Variants in DOK6 observed in about 807,000 individuals in gnomAD.
DOK6 encodes downstream of tyrosine kinase 6.
In DOK6, 22 loss-of-function variants were observed where a neutral mutation model predicts 44.0. That is an observed-to-expected ratio of 0.50 (90% CI 0.36 to 0.71). The LOEUF (loss-of-function observed/expected upper bound fraction) is 0.71. Ranked by LOEUF, DOK6 falls within the 30% of genes least tolerant of loss-of-function variation. DOK6 has a pLI of 0.00. For synonymous variants in DOK6, 166 were observed against 145.5 expected (o/e 1.14, Z -1.01); for missense variants, 340 against 416.4 (o/e 0.82, Z 1.60).
intron 1 of DOK6, among the ~76,000 whole-genome samples, chr18:69,545,731 A>G (rs967590940): frequency 6.6e-6 from 1 of 151,330 alleles, no homozygotes; most frequent in Non-Finnish European, 1.5e-5. Flanking sequence ...TGAGATATAC[A>G]TATTGCTCTT....
At chr18:69,652,988 G>T (rs889869425) in intron 3 of DOK6, among the ~76,000 whole-genome samples, 1 of 152,160 alleles carries the variant, frequency 6.6e-6, no homozygotes, top group Non-Finnish European at 1.5e-5. Flanking sequence ...AAAGATTCAC[G>T]ATGGAATTCT....
At chr18:69,726,071 G>A (rs1427019344) in intron 5 of DOK6, among the ~76,000 whole-genome samples, 1 of 152,106 alleles carries the variant, frequency 6.6e-6, no homozygotes, top group South Asian at 2.1e-4. Context: ...AAATGCAGTC[G>A]GTACACCCAG....
intron 1 of DOK6, among the ~76,000 whole-genome samples, chr18:69,511,540 A>T (rs147295813): frequency 1.1e-3 from 170 of 152,362 alleles, no homozygotes; most frequent in African/African-American, 3.8e-3. Context: ...CCTGTTTTAC[A>T]CATAAGCACT....
At chr18:69,668,800 C>T (rs1048858154) in intron 3 of DOK6, among the ~76,000 whole-genome samples, 5 of 152,098 alleles carry the variant, frequency 3.3e-5, no homozygotes, top group Non-Finnish European at 7.3e-5. Context: ...ATATCTCAAT[C>T]TTTACAAAAT....
chr18:69,685,522 C>A (rs1156933866), intron 4 of DOK6, among the ~76,000 whole-genome samples: 1 of 152,136 alleles, frequency 6.6e-6, no homozygotes, highest in Non-Finnish European at 1.5e-5. Flanking sequence ...CTGGGATGTG[C>A]GTGAACATCT....
chr18:69,522,148 A>G (rs1946983), intron 1 of DOK6, among the ~76,000 whole-genome samples: 122,077 of 151,588 alleles, frequency 0.81, 50,307 homozygotes, highest in South Asian at 0.92. Context: ...GGATAATTTT[A>G]CACAGTGTCT....
intron 4 of DOK6, among the ~76,000 whole-genome samples, chr18:69,683,156 C>G (rs1164005597): frequency 6.6e-6 from 1 of 151,490 alleles, no homozygotes; most frequent in Non-Finnish European, 1.5e-5. Flanking sequence ...ACAAAACCAA[C>G]TTTTGCATCA....
intron 2 of DOK6, among the ~76,000 whole-genome samples, chr18:69,590,258 C>A (rs1983593603): frequency 6.6e-6 from 1 of 152,108 alleles, no homozygotes; most frequent in African/African-American, 2.4e-5. Context: ...TGCATAAGAA[C>A]ACAAACGGAT....
chr18:69,540,663 A>T (rs538747090), intron 1 of DOK6, among the ~76,000 whole-genome samples: 1 of 152,156 alleles, frequency 6.6e-6, no homozygotes, highest in Non-Finnish European at 1.5e-5. Flanking sequence ...TTCTTCCATC[A>T]TAGTTTTTCA....
intron 2 of DOK6, among the ~76,000 whole-genome samples, chr18:69,593,152 G>T (rs1312000501): frequency 6.6e-6 from 1 of 151,968 alleles, no homozygotes; most frequent in East Asian, 1.9e-4. Flanking sequence ...GTAGCTTGAG[G>T]CCAAGAGTTT....
intron 2 of DOK6, among the ~76,000 whole-genome samples, chr18:69,586,296 G>A (rs111612006): frequency 1.1e-4 from 16 of 152,096 alleles, no homozygotes; most frequent in African/African-American, 3.9e-4. Context: ...ACAAAGAAAT[G>A]TTTTATCTGT....
At chr18:69,619,075 A>G (rs1984379203) in intron 3 of DOK6, among the ~76,000 whole-genome samples, 1 of 152,200 alleles carries the variant, frequency 6.6e-6, no homozygotes, top group South Asian at 2.1e-4. Context: ...ATGCCACAAA[A>G]AAACTAAATG....
intron 7 of DOK6, among the ~76,000 whole-genome samples, chr18:69,760,927 C>T (rs377633451): frequency 1.5e-5 from 1 of 67,550 alleles, no homozygotes; most frequent in Non-Finnish European, 2.8e-5. Flanking sequence ...TCCCGGGGGC[C>T]GGTTGTGACC....
intron 1 of DOK6, among the ~76,000 whole-genome samples, chr18:69,523,497 C>T (rs982854412): frequency 6.6e-6 from 1 of 151,982 alleles, no homozygotes; most frequent in Admixed American, 6.6e-5. Flanking sequence ...CAAACTCTCT[C>T]AAACCAATTT....
chr18:69,654,608 G>T (rs1395661246), intron 3 of DOK6, among the ~76,000 whole-genome samples: 2 of 152,156 alleles, frequency 1.3e-5, no homozygotes, highest in South Asian at 2.1e-4. Flanking sequence ...CCAAATGAAG[G>T]CTTGCCCCTC....
intron 5 of DOK6, among the ~76,000 whole-genome samples, chr18:69,698,844 G>A (rs1231812103): frequency 6.6e-6 from 1 of 151,998 alleles, no homozygotes; most frequent in South Asian, 2.1e-4. Flanking sequence ...ACTCAAACTG[G>A]TTTTGTAATT....
intron 1 of DOK6, among the ~76,000 whole-genome samples, chr18:69,533,450 A>G (rs1982038191): frequency 6.6e-6 from 1 of 152,146 alleles, no homozygotes. Flanking sequence ...TAAAAAGAAG[A>G]TACTAGGCAT....
chr18:69,422,137 A>G (rs2122408954), intron 1 of DOK6, among the ~76,000 whole-genome samples: 1 of 152,260 alleles, frequency 6.6e-6, no homozygotes, highest in East Asian at 1.9e-4. Flanking sequence ...GGATCCACAC[A>G]TGTGTGTCTC....
At chr18:69,549,251 A>G (rs1982497173) in intron 1 of DOK6, among the ~76,000 whole-genome samples, 1 of 151,526 alleles carries the variant, frequency 6.6e-6, no homozygotes, top group Non-Finnish European at 1.5e-5. Flanking sequence ...TTTTTTTTAG[A>G]AAAAATGCTG....
Sources: gnomAD v4.1 joint callset for allele counts (sites outside exome capture counted in the v4.1 genomes callset) on GRCh38, gnomAD v4.1.1 for gene constraint, MANE v1.5 for transcripts, NCBI Gene and HGNC (gene_info 2026-07-23, HGNC 2026-07-21) for gene names.